CTNNA3: variants seen among roughly 807,000 people sequenced by gnomAD.
CTNNA3 encodes catenin alpha-3.
Under a neutral mutation model 95.7 loss-of-function variants are expected in CTNNA3, and 76 were observed. The observed-to-expected ratio is 0.79, with a 90% CI of 0.66 to 0.96. The LOEUF is 0.96. CTNNA3 is among the 40% of genes least tolerant of loss of function. The probability of loss-of-function intolerance (pLI) is 0.00; values close to 1 mark genes in which losing one functional copy is unlikely to be tolerated. For missense variants in CTNNA3, 1,191 were observed against 1,089.8 expected, an observed-to-expected ratio of 1.09 and a Z score of -1.31; for synonymous variants, 431 against 374.4, an observed-to-expected ratio of 1.15 and a Z score of -1.74.
At chr10:66,843,331 C>T (rs755937443) in intron 7 of CTNNA3, among the ~76,000 whole-genome samples, 1 of 152,040 alleles carries the variant, frequency 6.6e-6, no homozygotes, top group Non-Finnish European at 1.5e-5. Flanking sequence ...AACAAGCAGG[C>T]AAAGTTTGAG....
chr10:66,834,932 A>G (rs940371485), intron 7 of CTNNA3, among the ~76,000 whole-genome samples: 4 of 152,186 alleles, frequency 2.6e-5, no homozygotes, highest in African/African-American at 9.7e-5. Context: ...TATTCAAAGA[A>G]AAGGGGAAAC....
At chr10:67,537,664 AG>A (rs1296103779) in intron 4 of CTNNA3, among the ~76,000 whole-genome samples, 1 of 152,154 alleles carries the variant, frequency 6.6e-6, no homozygotes, top group Non-Finnish European at 1.5e-5. Context: ...ACCTTACAAA[AG>A]CCCTGCATTC....
At chr10:67,648,608 AATT>A (rs1305198340) in intron 1 of CTNNA3, 3 of 722,254 alleles carry the variant, frequency 4.2e-6, no homozygotes, top group Non-Finnish European at 5.9e-6. Context: ...TTGAAAAAAT[AATT>A]ATTCAAATTC....
intron 3 of CTNNA3, among the ~76,000 whole-genome samples, chr10:67,578,818 T>G (rs1315028055): frequency 6.6e-6 from 1 of 151,592 alleles, no homozygotes; most frequent in Non-Finnish European, 1.5e-5. Context: ...CTATGCCCAC[T>G]TTGTTGAGAG....
chr10:66,525,891 G>T (rs1207728627), intron 10 of CTNNA3, among the ~76,000 whole-genome samples: 3 of 151,936 alleles, frequency 2.0e-5, no homozygotes, highest in Non-Finnish European at 4.4e-5. Context: ...CGTATAAGTG[G>T]AATTATACAA....
intron 16 of CTNNA3, among the ~76,000 whole-genome samples, chr10:65,978,100 C>T (rs1330235772): frequency 4.6e-5 from 7 of 151,886 alleles, no homozygotes; most frequent in Non-Finnish European, 8.8e-5. Flanking sequence ...TCTATCAAGT[C>T]CCTCAAAGCA....
chr10:67,407,989 C>T (rs576249249), intron 5 of CTNNA3, among the ~76,000 whole-genome samples: 1 of 152,238 alleles, frequency 6.6e-6, no homozygotes, highest in South Asian at 2.1e-4. Flanking sequence ...CTCCCATTCA[C>T]AGTTGCCACA....
intron 5 of CTNNA3, among the ~76,000 whole-genome samples, chr10:67,220,464 C>T (rs1210492115): frequency 2.6e-5 from 4 of 152,140 alleles, no homozygotes; most frequent in Non-Finnish European, 1.5e-5. Context: ...AAAAATCCTA[C>T]AAGGACCTTG....
intron 10 of CTNNA3, among the ~76,000 whole-genome samples, chr10:66,541,893 T>C (rs1841865195): frequency 6.6e-6 from 1 of 151,914 alleles, no homozygotes. Flanking sequence ...AACTTGAAAT[T>C]TGCATAAACT....
At chr10:66,937,143 C>A (rs1847753180) in intron 7 of CTNNA3, among the ~76,000 whole-genome samples, 1 of 151,832 alleles carries the variant, frequency 6.6e-6, no homozygotes, top group Non-Finnish European at 1.5e-5. Context: ...AAATTTTTTT[C>A]ATGGAGAGAC....
intron 9 of CTNNA3, among the ~76,000 whole-genome samples, chr10:66,730,386 T>A (rs1848921034): frequency 6.6e-6 from 1 of 151,990 alleles, no homozygotes; most frequent in African/African-American, 2.4e-5. Flanking sequence ...CACTTATAAG[T>A]GGGAGCTGAA....
intron 7 of CTNNA3, among the ~76,000 whole-genome samples, chr10:67,007,768 T>TA (rs530563846): frequency 1.6e-3 from 242 of 151,150 alleles, no homozygotes; most frequent in Middle Eastern, 3.4e-3. Context: ...ATAGTATTTT[T>TA]AAAAAAAAAG....
intron 7 of CTNNA3, among the ~76,000 whole-genome samples, chr10:67,044,004 T>C (rs1854570240): frequency 6.7e-6 from 1 of 149,622 alleles, no homozygotes; most frequent in Non-Finnish European, 1.5e-5. Context: ...TGATACACTG[T>C]GTGATGCTGA....
At position 66,088,220 on chromosome 10, in the gene CTNNA3, G is replaced by T. The variant is rs573930820; in HGVS notation, c.1977+14937C>A. Among the ~76,000 whole-genome samples, 22 of 151,922 alleles carry T rather than the reference G, an allele frequency of 1.4e-4. No individual in the cohort carries two copies. The Middle Eastern group carries it at 0.014, about 95-fold the overall frequency. On this transcript the variant is annotated intron_variant, in intron 14 of 17. Transcript: ENST00000433211. ...ATAAAATATTGTTTCATATACCAAA[G>T]ATTTTGAAAGCAATATTTTAAGACT...
At chr10:66,657,971 T>C (rs1452724807) in intron 9 of CTNNA3, among the ~76,000 whole-genome samples, 2 of 152,186 alleles carry the variant, frequency 1.3e-5, no homozygotes, top group African/African-American at 4.8e-5. Context: ...GCAAACCCAA[T>C]CAGCAATTTT....
At chr10:66,423,637 A>G (rs1262127587) in intron 11 of CTNNA3, among the ~76,000 whole-genome samples, 1 of 152,122 alleles carries the variant, frequency 6.6e-6, no homozygotes, top group African/African-American at 2.4e-5. Context: ...TTTAGCCCCA[A>G]GGTAACTTCC....
intron 9 of CTNNA3, among the ~76,000 whole-genome samples, chr10:66,690,805 C>G (rs1238866369): frequency 1.3e-5 from 2 of 152,064 alleles, no homozygotes; most frequent in African/African-American, 2.4e-5. Flanking sequence ...GTCTTTATAG[C>G]AGCATGATTT....
At chr10:67,624,311 AC>A (rs1843951969) in intron 2 of CTNNA3, among the ~76,000 whole-genome samples, 1 of 152,108 alleles carries the variant, frequency 6.6e-6, no homozygotes, top group Non-Finnish European at 1.5e-5. Context: ...CTGTCAACAC[AC>A]CTGGACAGAC....
intron 11 of CTNNA3, among the ~76,000 whole-genome samples, chr10:66,396,366 G>T: frequency 6.6e-6 from 1 of 151,686 alleles, no homozygotes; most frequent in African/African-American, 2.4e-5. Context: ...AATGTAATCA[G>T]GCAAAATAAT....
Sources: allele counts gnomAD v4.1 joint callset (sites outside exome capture counted in the v4.1 genomes callset), GRCh38; gene constraint gnomAD v4.1.1; transcripts MANE v1.5; gene names NCBI Gene and HGNC (gene_info 2026-07-23, HGNC 2026-07-21).